Variants in SLC17A3 observed in about 807,000 individuals in gnomAD.
SLC17A3 encodes the protein solute carrier family 17 member 3.
A neutral mutation model predicts 60.3 loss-of-function variants in SLC17A3; 61 were observed. The observed-to-expected ratio is 1.01, with a 90% CI of 0.82 to 1.25. The LOEUF is 1.25. SLC17A3 is among the 50% of genes most tolerant of loss of function. The pLI is 0.00. For missense variants in SLC17A3, 624 were observed against 594.9 expected, an observed-to-expected ratio of 1.05 and a Z score of -0.51; for synonymous variants, 192 against 208.9, an observed-to-expected ratio of 0.92 and a Z score of 0.70.
chr6:25,858,540 G>A (rs1417790245), intron 5 of SLC17A3, among the ~76,000 whole-genome samples: 1 of 152,052 alleles, frequency 6.6e-6, no homozygotes, highest in Non-Finnish European at 1.5e-5. Context: ...ACATTTGCTG[G>A]CCTGTCATTC....
intron 2 of SLC17A3, among the ~76,000 whole-genome samples, chr6:25,865,917 C>T (rs1765526449): frequency 6.6e-6 from 1 of 151,914 alleles, no homozygotes; most frequent in Non-Finnish European, 1.5e-5. Context: ...GCACTGACAC[C>T]ATGAAATCAT....
chr6:25,845,152 A>G lies in SLC17A3; in HGVS notation c.*149T>C. The G allele has an allele frequency of 2.1e-6, 1 of 486,472 alleles. No individual in the cohort carries two copies. The allele number at this position is 486,472 out of a possible 1,614,324, so 30.1% of individuals were successfully genotyped here. The stretch of plus-strand genomic sequence containing the variant: ...TTATTCATCTTACATTTCTCTCAAA[A>G]AAAAGTCTGAATAAAATAATGAACT... On this transcript the variant is annotated 3_prime_UTR_variant, in exon 13 of 13. Coordinates refer to ENST00000397060, the MANE Select transcript of SLC17A3 (RefSeq NM_001098486.2).
Position 25,862,335 on chromosome 6 carries a change from G to C in SLC17A3, c.201C>G (p.Val67=). 1 of 1,613,618 alleles carries C rather than the reference G, an allele frequency of 6.2e-7. No individual in the cohort carries two copies. The highest frequency in any genetic ancestry group is 8.5e-7 in the Non-Finnish European group (1 of 1,179,630). ...GCTGGGATTGAGGGCTTGTGCTGTTGACCATGGCTACCATGGTGATGTTCA... is the reference window on the plus strand; with the variant it reads ...GCTGGGATTGAGGGCTTGTGCTGTTCACCATGGCTACCATGGTGATGTTCA... ...VIMNITMVAM[V]NSTSPQSQLN... is the part of the protein sequence containing the mutation. Residue 67 remains valine (V), a synonymous_variant, in exon 3 of 13, where the codon GTC becomes GTG. Transcript: ENST00000397060.
intron 11 of SLC17A3, among the ~76,000 whole-genome samples, chr6:25,848,917 C>G (rs993894132): frequency 6.6e-6 from 1 of 152,114 alleles, no homozygotes; most frequent in African/African-American, 2.4e-5. Flanking sequence ...ACAGTCCCAT[C>G]AAAAAGTGGG....
In SLC17A3 at chr6:25,849,464, C is replaced by T. The variant is rs1712022401; in HGVS notation, c.1272G>A (p.Arg424=). 17 of 1,597,700 alleles carry T rather than the reference C, an allele frequency of 1.1e-5. No individual in the cohort carries two copies. Among genetic ancestry groups the T allele is most frequent in the Non-Finnish European group, 1.4e-5 (16 of 1,165,230 alleles). The part of the protein sequence containing the change: ...IYINVLDIAP[R]YSSFLMGASR... ...ATGCTCCCATGAGAAAACTGGAATA[C>T]CTGTGGGTGACAGGAATGTTCCGGT... The change falls in exon 11 of 13, where the codon AGG becomes AGA. Residue 424 remains arginine, a splice_region_variant and synonymous_variant. Coordinates refer to ENST00000397060, the MANE Select transcript of SLC17A3 (RefSeq NM_001098486.2).
intron 2 of SLC17A3, 137 bp downstream of exon 2, chr6:25,868,160 G>T: frequency 4.2e-6 from 3 of 713,442 alleles, no homozygotes; most frequent in Non-Finnish European, 7.5e-6. Flanking sequence ...CTTCATATTT[G>T]CAAAATATGT....
intron 11 of SLC17A3, among the ~76,000 whole-genome samples, chr6:25,846,369 A>G (rs1765174784): frequency 6.6e-6 from 1 of 152,238 alleles, no homozygotes; most frequent in East Asian, 1.9e-4. Context: ...GATTAGCCAC[A>G]CAATGAGACA....
At chr6:25,852,635 A>G (rs1335555288) in intron 6 of SLC17A3, among the ~76,000 whole-genome samples, 1 of 152,104 alleles carries the variant, frequency 6.6e-6, no homozygotes, top group Admixed American at 6.6e-5. Context: ...CATCTCAGAT[A>G]CTGTACTTTT....
chr6:25,846,860 T>C (rs1347921577), intron 11 of SLC17A3, among the ~76,000 whole-genome samples: 1 of 152,162 alleles, frequency 6.6e-6, no homozygotes, highest in Non-Finnish European at 1.5e-5. Context: ...ATTGCCTGCC[T>C]CGGCCTCCCA....
chr6:25,858,863 G>A (rs1765402358), intron 5 of SLC17A3, among the ~76,000 whole-genome samples: 1 of 152,096 alleles, frequency 6.6e-6, no homozygotes, highest in Admixed American at 6.5e-5. Flanking sequence ...ATCATAGGTT[G>A]ATATCACATG....
At chr6:25,848,834 A>G (rs1666494300) in intron 11 of SLC17A3, among the ~76,000 whole-genome samples, 1 of 152,208 alleles carries the variant, frequency 6.6e-6, no homozygotes, top group Non-Finnish European at 1.5e-5. Context: ...AATTTTCACA[A>G]TCTATACATC....
Position 25,849,924 on chromosome 6 carries a change from C to A in SLC17A3, c.1152G>T (p.Val384=). Residue 384 remains valine (V), a synonymous_variant, in exon 10 of 13, where the codon GTG becomes GTT. Transcript: ENST00000397060. ...AGCCGGAATTGAGGTAAGGCAGAGA[C>A]ACAATGAGTGCTGAAGAGGGGAGAC... The part of the protein sequence containing the change: ...LGSLPSSALI[V]SLPYLNSGYI... The A allele has an allele frequency of 1.9e-6, 3 of 1,614,020 alleles. No homozygotes were observed. Among genetic ancestry groups the A allele is most frequent in the Non-Finnish European group, 1.7e-6 (2 of 1,179,892 alleles).
In SLC17A3 at chr6:25,850,166, T is replaced by C. The variant is rs1369063000; in HGVS notation, c.1005A>G (p.Leu335=). 3 of 1,613,578 alleles carry C rather than the reference T, an allele frequency of 1.9e-6. No homozygotes were observed. The highest frequency in any genetic ancestry group is 2.5e-6 in the Non-Finnish European group (3 of 1,179,620). ...YHVNIRDNGL[L]SALPFIVAWV... is the part of the protein sequence containing the mutation. ...AGGCAACAATAAAAGGAAGGGCAGATAGAAGTCCATTCTAAAGAGAAAAGA... is the reference window on the plus strand; with the variant it reads ...AGGCAACAATAAAAGGAAGGGCAGACAGAAGTCCATTCTAAAGAGAAAAGA... Residue 335 remains leucine (L), a synonymous_variant, in exon 9 of 13, where the codon CTA becomes CTG. Coordinates refer to ENST00000397060, the MANE Select transcript of SLC17A3 (RefSeq NM_001098486.2).
At chr6:25,866,459 G>C (rs1449076242) in intron 2 of SLC17A3, among the ~76,000 whole-genome samples, 2 of 151,982 alleles carry the variant, frequency 1.3e-5, no homozygotes, top group African/African-American at 4.8e-5. Context: ...AGCCTTGTGA[G>C]ACCCAGAGAA....
At chr6:25,849,226 G>A (rs374348612) in intron 11 of SLC17A3, 148 bp downstream of exon 11, 6 of 656,786 alleles carry the variant, frequency 9.1e-6, no homozygotes, top group African/African-American at 7.2e-5. Context: ...CCAAAGAAAT[G>A]ATTCTATATT....
Position 25,844,939 on chromosome 6 carries a change from T to A in SLC17A3, c.*362A>T, listed in dbSNP as rs1765147383. ...CCCAATAAATAGAAAGTAATATTAA[T>A]TTTCACAAACAGGAAAAATCATTGC... On this transcript the variant is annotated 3_prime_UTR_variant, in exon 13 of 13. Coordinates refer to ENST00000397060, the MANE Select transcript of SLC17A3 (RefSeq NM_001098486.2). The A allele has an allele frequency of 1.0e-5, 2 of 191,802 alleles. No homozygotes were observed. The highest frequency in any genetic ancestry group is 1.9e-4 in the South Asian group (2 of 10,716). 11.9% of individuals were successfully genotyped at this position (191,802 alleles called of 1,614,324 possible).
rs78527442 is a variant in SLC17A3, at chr6:25,863,007, A to C, written c.92-563T>G. 8.9e-3 allele frequency among the ~76,000 whole-genome samples: 1,346 copies of C among 151,966 alleles called. 19 individuals are homozygous for C. Among genetic ancestry groups the C allele is most frequent in the African/African-American group, 0.03 (1,226 of 41,488 alleles). On this transcript the variant is annotated intron_variant, in intron 2 of 12. Transcript: ENST00000397060. ...GAAATGTAAGTTACACTTTGAAGAG[A>C]GTTGTCCATTGGTATAGGTCATTTA...
intron 5 of SLC17A3, among the ~76,000 whole-genome samples, chr6:25,860,487 G>A (rs1765429110): frequency 6.6e-6 from 1 of 152,106 alleles, no homozygotes; most frequent in Non-Finnish European, 1.5e-5. Flanking sequence ...AAGCAGGCAG[G>A]TTCAGCTCAC....
At position 25,850,083 on chromosome 6, in the gene SLC17A3, C is replaced by A; in HGVS notation, c.1088G>T (p.Arg363Ile). 1 of 1,613,896 alleles carries A rather than the reference C, an allele frequency of 6.2e-7. No homozygotes were observed. The highest frequency in any genetic ancestry group is 1.1e-5 in the South Asian group (1 of 91,054). ...GGCAATTTTCCTCACAGTGATGAGT[C>A]TAAACTTTTTGGTTAGAAGGAAATC... ...LADFLLTKKF[R>I]LITVRKIATI... is the part of the protein sequence containing the mutation. Residue 363 changes from arginine to isoleucine, a missense_variant, in exon 9 of 13, where the codon AGA becomes ATA. Physicochemically the swap from Arg to Ile is moderately conservative, Grantham distance 97. Coordinates refer to ENST00000397060, the MANE Select transcript of SLC17A3 (RefSeq NM_001098486.2).
Sources: gnomAD v4.1 joint callset for allele counts (sites outside exome capture counted in the v4.1 genomes callset) on GRCh38, gnomAD v4.1.1 for gene constraint, MANE v1.5 for transcripts, NCBI Gene and HGNC (gene_info 2026-07-23, HGNC 2026-07-21) for gene names.